Variants in ACP6 observed in about 807,000 individuals in gnomAD.
ACP6 encodes acid phosphatase 6, lysophosphatidic, also known as lysophosphatidic acid phosphatase type 6.
ACP6 carries 48 observed loss-of-function variants against 48.1 expected under a neutral mutation model. The observed-to-expected ratio is 1.00, with a 90% CI of 0.79 to 1.27. The LOEUF (loss-of-function observed/expected upper bound fraction) is 1.27, where lower values mean the gene tolerates loss of function less well. Among genes scored for constraint, ACP6 ranks in the 50% most tolerant of loss-of-function variants. The pLI is 0.00. For synonymous variants in ACP6, 172 were observed against 204.2 expected, an observed-to-expected ratio of 0.84 and a Z score of 1.34; for missense variants, 485 against 529.1, an observed-to-expected ratio of 0.92 and a Z score of 0.82.
chr1:147,643,077 G>A lies in ACP6; in HGVS notation c.*4346C>T, dbSNP rs1659503663. On this transcript the variant is annotated 3_prime_UTR_variant, in exon 10 of 10. Transcript: ENST00000583509. ...TTCTTATAAGGATTCCAGTCATATT[G>A]GATTACAGCCTACCCATATGACCTC... 6.6e-6 allele frequency: 1 copy of A among 152,034 alleles called. No individual in the cohort carries two copies. The highest frequency in any genetic ancestry group is 6.6e-5 in the Admixed American group (1 of 15,262). The allele number at this position is 152,034 out of a possible 1,614,324, so 9.4% of individuals were successfully genotyped here.
chr1:147,665,365 G>T (rs1260364851), intron 1 of ACP6, among the ~76,000 whole-genome samples: 1 of 152,180 alleles, frequency 6.6e-6, no homozygotes, highest in Non-Finnish European at 1.5e-5. Flanking sequence ...AGTTAGACTT[G>T]GCAAGTGAGT....
chr1:147,668,707 G>T (rs1485539323), intron 1 of ACP6, among the ~76,000 whole-genome samples: 1 of 152,034 alleles, frequency 6.6e-6, no homozygotes, highest in African/African-American at 2.4e-5. Context: ...AAGAAATCCC[G>T]GTTCCAGAGA....
At chr1:147,666,636 A>C (rs1660811290) in intron 1 of ACP6, among the ~76,000 whole-genome samples, 1 of 152,188 alleles carries the variant, frequency 6.6e-6, no homozygotes, top group African/African-American at 2.4e-5. Flanking sequence ...AATGCTCTTC[A>C]GTCCAGATAA....
chr1:147,656,181 CAGA>C (rs1660250196), intron 4 of ACP6, among the ~76,000 whole-genome samples: 1 of 152,158 alleles, frequency 6.6e-6, no homozygotes, highest in Non-Finnish European at 1.5e-5. Context: ...TTGGTCTGGA[CAGA>C]AGAAGAAACC....
At chr1:147,664,013 C>T (rs1381153501) in intron 1 of ACP6, among the ~76,000 whole-genome samples, 1 of 152,072 alleles carries the variant, frequency 6.6e-6, no homozygotes, top group Non-Finnish European at 1.5e-5. Context: ...TATCTTCTAC[C>T]CTCCCCGAAC....
intron 5 of ACP6, among the ~76,000 whole-genome samples, chr1:147,631,698 C>T (rs1452499348): frequency 6.6e-6 from 1 of 152,066 alleles, no homozygotes; most frequent in African/African-American, 2.4e-5. Context: ...CCGGCAGTCC[C>T]AGCTACTCAG....
At chr1:147,641,504 G>A (rs1299020969), downstream of ACP6, among the ~76,000 whole-genome samples, 1 of 152,170 alleles carries the variant, frequency 6.6e-6, no homozygotes, top group Non-Finnish European at 1.5e-5. Context: ...GATGAAGTCG[G>A]CCTTCCCTGG....
chr1:147,636,067 C>A (rs57763098), intron 5 of ACP6, among the ~76,000 whole-genome samples: 1 of 152,192 alleles, frequency 6.6e-6, no homozygotes, highest in East Asian at 1.9e-4. Flanking sequence ...AGGAAACTAA[C>A]GATGGTACTT....
chr1:147,665,006 T>C (rs1170343278), intron 1 of ACP6, among the ~76,000 whole-genome samples: 2 of 152,220 alleles, frequency 1.3e-5, no homozygotes, highest in African/African-American at 4.8e-5. Flanking sequence ...TGGTAAAGAA[T>C]GTGTATGGCA....
downstream of ACP6, among the ~76,000 whole-genome samples, chr1:147,637,644 G>A (rs943217375): frequency 6.6e-6 from 1 of 152,074 alleles, no homozygotes; most frequent in Non-Finnish European, 1.5e-5. Context: ...AGGATTTTGA[G>A]GAACACATCA....
At chr1:147,667,988 C>CA (rs1259246237) in intron 1 of ACP6, among the ~76,000 whole-genome samples, 147,969 of 148,822 alleles carry the variant, frequency 0.99, 73,561 homozygotes, top group South Asian at 1. Flanking sequence ...GATTCTGTCT[C>CA]AAAAAAAAAA....
At chr1:147,658,482 C>T (rs1553212070) in intron 4 of ACP6, among the ~76,000 whole-genome samples, 1 of 152,172 alleles carries the variant, frequency 6.6e-6, no homozygotes. Flanking sequence ...TGACTGCAAC[C>T]ATTCAGGGGC....
At chr1:147,641,242 G>T (rs1403259854), downstream of ACP6, among the ~76,000 whole-genome samples, 4 of 152,160 alleles carry the variant, frequency 2.6e-5, no homozygotes, top group African/African-American at 9.7e-5. Context: ...TCCAGGTCCC[G>T]GTGCTTCGAG....
Position 147,642,929 on chromosome 1 carries a change from C to T in ACP6, c.*4494G>A, listed in dbSNP as rs1314347065. On this transcript the variant is annotated 3_prime_UTR_variant, in exon 10 of 10. Coordinates refer to ENST00000583509, the MANE Select transcript of ACP6 (RefSeq NM_016361.5). Reference sequence around the variant, plus strand: ...TGGCTTAAACAACAGAAATTTATTTCCTCACAGTGCTAGAGGCTAGAAGTC... The same window carrying T: ...TGGCTTAAACAACAGAAATTTATTTTCTCACAGTGCTAGAGGCTAGAAGTC... 6.6e-6 allele frequency: 1 copy of T among 152,150 alleles called. No homozygotes were observed. The highest frequency in any genetic ancestry group is 1.5e-5 in the Non-Finnish European group (1 of 68,030). The allele number at this position is 152,150 out of a possible 1,614,324, so 9.4% of individuals were successfully genotyped here. A position where few individuals can be genotyped will look rare whatever the true frequency, so the allele number is the denominator to read the frequency against.
chr1:147,660,877 A>G (rs1486052309), intron 1 of ACP6, among the ~76,000 whole-genome samples: 3 of 152,234 alleles, frequency 2.0e-5, no homozygotes, highest in African/African-American at 7.2e-5. Context: ...ATCAGCTCAC[A>G]TACTTTCATT....
downstream of ACP6, among the ~76,000 whole-genome samples, chr1:147,641,798 G>A (rs587598194): frequency 2.0e-5 from 3 of 152,318 alleles, no homozygotes; most frequent in South Asian, 6.2e-4. Flanking sequence ...ACTGGTGAGT[G>A]AGGGAGCCAG....
rs1659664165 is a variant in ACP6 at position 147,647,259 on chromosome 1, C to T, written c.*164G>A. The T allele has an allele frequency of 2.4e-6, 2 of 832,480 alleles. No individual in the cohort carries two copies. Among genetic ancestry groups the T allele is most frequent in the Non-Finnish European group, 3.7e-6 (2 of 545,832 alleles). The allele number at this position is 832,480 out of a possible 1,614,324, so 51.6% of individuals were successfully genotyped here. On this transcript the variant is annotated 3_prime_UTR_variant, in exon 10 of 10. Transcript: ENST00000583509. Reference sequence around the variant, plus strand: ...TTGGTCTCAATATTATACCCCTTTTCCGTTCAGGAAGAAATCTTAGTAAAC... The same window carrying T: ...TTGGTCTCAATATTATACCCCTTTTTCGTTCAGGAAGAAATCTTAGTAAAC...
intron 1 of ACP6, 149 bp downstream of exon 1, chr1:147,669,681 T>C: frequency 2.6e-6 from 2 of 770,640 alleles, no homozygotes; most frequent in South Asian, 2.1e-5. Flanking sequence ...GCCTGGGGAG[T>C]CACTGGCTAC....
intron 6 of ACP6, 105 bp from the exon 7 acceptor site, chr1:147,652,654 AAGAGAAG>A: frequency 6.2e-7 from 1 of 1,604,358 alleles, no homozygotes. Flanking sequence ...TCTCCTGGGG[AAGAGAAG>A]ACAGGCTCAA....
Sources: allele counts gnomAD v4.1 joint callset (sites outside exome capture counted in the v4.1 genomes callset), GRCh38; gene constraint gnomAD v4.1.1; transcripts MANE v1.5; gene names NCBI Gene and HGNC (gene_info 2026-07-23, HGNC 2026-07-21).